BNC2: variants seen among roughly 807,000 people sequenced by gnomAD.
BNC2 encodes basonuclin zinc finger protein 2.
Under a neutral mutation model 76.3 loss-of-function variants are expected in BNC2, and 20 were observed. The ratio of observed to expected loss-of-function variants is 0.26; its 90% confidence interval spans 0.18 to 0.38. The LOEUF (loss-of-function observed/expected upper bound fraction) is 0.38, where lower values mean the gene tolerates loss of function less well. BNC2 is among the 10% of genes least tolerant of loss of function. The pLI, the probability that BNC2 is intolerant of heterozygous loss-of-function variation, is 1.00. For missense variants in BNC2, 1,382 were observed against 1,399.8 expected, an observed-to-expected ratio of 0.99 and a Z score of 0.20; for synonymous variants, 582 against 514.8, an observed-to-expected ratio of 1.13 and a Z score of -1.77.
At chr9:16,745,701 TG>T (rs1299409060) in intron 1 of BNC2, among the ~76,000 whole-genome samples, 5 of 152,230 alleles carry the variant, frequency 3.3e-5, no homozygotes, top group Non-Finnish European at 7.3e-5. Flanking sequence ...CTATTATGCC[TG>T]TCTCTGATAA....
intron 5 of BNC2, among the ~76,000 whole-genome samples, chr9:16,504,085 C>G (rs982645452): frequency 3.9e-5 from 6 of 152,040 alleles, no homozygotes; most frequent in Admixed American, 3.9e-4. Flanking sequence ...AACACATCAC[C>G]TGCACCTACT....
intron 6 of BNC2, among the ~76,000 whole-genome samples, chr9:16,427,275 C>A (rs776117964): frequency 2.1e-4 from 32 of 152,152 alleles, no homozygotes; most frequent in Non-Finnish European, 3.4e-4. Flanking sequence ...GTTATAATGG[C>A]CAACAGGCAG....
chr9:16,653,128 TAA>T, intron 3 of BNC2, among the ~76,000 whole-genome samples: 1 of 152,304 alleles, frequency 6.6e-6, no homozygotes, highest in Middle Eastern at 3.4e-3. Flanking sequence ...CAAAATGACT[TAA>T]GAGTACAGTG....
intron 5 of BNC2, among the ~76,000 whole-genome samples, chr9:16,476,828 C>T (rs566812156): frequency 6.6e-5 from 10 of 152,228 alleles, no homozygotes; most frequent in Non-Finnish European, 1.5e-4. Context: ...GGTGATCATT[C>T]CTGAAATCGT....
chr9:16,619,917 T>C (rs1820817392), intron 3 of BNC2, among the ~76,000 whole-genome samples: 1 of 152,180 alleles, frequency 6.6e-6, no homozygotes, highest in Non-Finnish European at 1.5e-5. Context: ...CTCCCAACGG[T>C]AGAATCAACA....
intron 5 of BNC2, among the ~76,000 whole-genome samples, chr9:16,441,919 C>T (rs1821136859): frequency 1.3e-5 from 2 of 152,210 alleles, no homozygotes; most frequent in African/African-American, 4.8e-5. Flanking sequence ...AAAATTCAGT[C>T]TGTTAGGCTA....
intron 3 of BNC2, among the ~76,000 whole-genome samples, chr9:16,672,454 G>A (rs944352187): frequency 2.0e-5 from 3 of 152,104 alleles, no homozygotes; most frequent in Non-Finnish European, 4.4e-5. Context: ...CAGAGATCGT[G>A]CCACTGCACT....
chr9:16,552,700 C>G lies in BNC2; in HGVS notation c.499G>C (p.Val167Leu). 6.2e-7 allele frequency: 1 copy of G among 1,614,186 alleles called. No individual in the cohort carries two copies. The highest frequency in any genetic ancestry group is 8.5e-7 in the Non-Finnish European group (1 of 1,180,044). The change falls in exon 5 of 7, where the codon GTC becomes CTC. Residue 167 changes from valine (V) to leucine (L), a missense_variant. Coordinates refer to ENST00000380672, the MANE Select transcript of BNC2 (RefSeq NM_017637.6). ...PTQVEIVQSN[V>L]VFDISSLMLY... ...ATCAGGCTGCTGATGTCAAACACGA[C>G]GTTGGACTGCACAATCTCCACTTGG...
chr9:16,647,556 G>C (rs567543189), intron 3 of BNC2, among the ~76,000 whole-genome samples: 1 of 152,092 alleles, frequency 6.6e-6, no homozygotes, highest in Non-Finnish European at 1.5e-5. Flanking sequence ...CTAGGGTGAC[G>C]CTTCTGGGAA....
At chr9:16,618,526 G>C (rs185418208) in intron 3 of BNC2, among the ~76,000 whole-genome samples, 12 of 152,070 alleles carry the variant, frequency 7.9e-5, no homozygotes, top group African/African-American at 2.4e-4. Flanking sequence ...TCAGCAGCAA[G>C]ATCTGTAAAT....
At chr9:16,642,178 A>G (rs965614164) in intron 3 of BNC2, among the ~76,000 whole-genome samples, 1 of 152,214 alleles carries the variant, frequency 6.6e-6, no homozygotes, top group African/African-American at 2.4e-5. Flanking sequence ...TACACCTAAT[A>G]TAATACAAGT....
At chr9:16,568,392 A>T (rs957711985) in intron 4 of BNC2, among the ~76,000 whole-genome samples, 7 of 152,166 alleles carry the variant, frequency 4.6e-5, no homozygotes, top group African/African-American at 1.7e-4. Context: ...TCCAGGCCAT[A>T]ACCTCTGAAT....
intron 3 of BNC2, among the ~76,000 whole-genome samples, chr9:16,648,568 C>T (rs1821703051): frequency 6.6e-6 from 1 of 152,100 alleles, no homozygotes; most frequent in South Asian, 2.1e-4. Flanking sequence ...TTCACTGTGC[C>T]GAATGCAAAG....
chr9:16,500,853 G>C (rs1466292967), intron 5 of BNC2, among the ~76,000 whole-genome samples: 3 of 152,166 alleles, frequency 2.0e-5, no homozygotes, highest in Non-Finnish European at 4.4e-5. Context: ...GAATGAGACA[G>C]GTGGTTATTG....
chr9:16,627,470 C>G (rs1275027584), intron 3 of BNC2, among the ~76,000 whole-genome samples: 1 of 152,174 alleles, frequency 6.6e-6, no homozygotes, highest in East Asian at 1.9e-4. Flanking sequence ...CTGGTGATAA[C>G]AGGCCAATAT....
intron 5 of BNC2, among the ~76,000 whole-genome samples, chr9:16,531,646 T>C (rs1383142376): frequency 1.3e-5 from 2 of 152,108 alleles, no homozygotes; most frequent in Non-Finnish European, 2.9e-5. Context: ...TCCGGCTGTG[T>C]TTATTTTATG....
chr9:16,427,224 G>T (rs190281385), intron 6 of BNC2, among the ~76,000 whole-genome samples: 1 of 152,312 alleles, frequency 6.6e-6, no homozygotes, highest in Non-Finnish European at 1.5e-5. Flanking sequence ...CATTCTCAAT[G>T]CAAACTGCCA....
intron 3 of BNC2, among the ~76,000 whole-genome samples, chr9:16,612,060 T>G (rs77021901): frequency 7.5e-3 from 34 of 4,510 alleles, no homozygotes; most frequent in Admixed American, 0.015. Context: ...AACACTAAAA[T>G]AAATAACTAG....
At chr9:16,793,924 G>A (rs541578421) in intron 1 of BNC2, among the ~76,000 whole-genome samples, 8 of 137,806 alleles carry the variant, frequency 5.8e-5, no homozygotes, top group East Asian at 4.3e-4. Context: ...GGATGGTCTC[G>A]ATCTCCTGAC....
Sources: gnomAD v4.1 joint callset for allele counts (sites outside exome capture counted in the v4.1 genomes callset) on GRCh38, gnomAD v4.1.1 for gene constraint, MANE v1.5 for transcripts, NCBI Gene and HGNC (gene_info 2026-07-23, HGNC 2026-07-21) for gene names.